Variants in AP3D1 observed in about 807,000 individuals in gnomAD.
AP3D1 encodes adaptor related protein complex 3 subunit delta 1.
AP3D1 carries 51 observed loss-of-function variants against 147.6 expected under a neutral mutation model. The observed-to-expected ratio is 0.35, with a 90% CI of 0.28 to 0.44. The LOEUF (loss-of-function observed/expected upper bound fraction) is 0.44, where lower values mean the gene tolerates loss of function less well. Ranked by LOEUF, AP3D1 falls within the 20% of genes least tolerant of loss-of-function variation. The pLI is 1.00. For missense variants in AP3D1, 1,421 were observed against 1,624.2 expected (o/e 0.87, Z 2.15); for synonymous variants, 760 against 663.0 (o/e 1.15, Z -2.25).
Position 2,136,940 on chromosome 19 carries a change from G to A in AP3D1, c.354+71C>T, listed in dbSNP as rs902131684. On this transcript the variant is annotated intron_variant, in intron 4 of 31. Coordinates refer to ENST00000643116, the MANE Select transcript of AP3D1 (RefSeq NM_001261826.3). ...ACCTGCTGCCCACAGGAAGACGCGTGTGGGAACCAGACGCTCCGGCAAGGG... is the reference window on the plus strand; with the variant it reads ...ACCTGCTGCCCACAGGAAGACGCGTATGGGAACCAGACGCTCCGGCAAGGG... The A allele has an allele frequency of 6.4e-6, 9 of 1,410,142 alleles. No individual in the cohort carries two copies. In the East Asian group the frequency reaches 2.2e-4, roughly 35 times the overall value. 87.4% of individuals were successfully genotyped at this position (1,410,142 alleles called of 1,614,324 possible).
chr19:2,105,108 C>A (rs1196497642), intron 31 of AP3D1, among the ~76,000 whole-genome samples: 4 of 152,188 alleles, frequency 2.6e-5, no homozygotes, highest in African/African-American at 7.2e-5. Context: ...TGTGTGGGCT[C>A]AATGGCAGAA....
chr19:2,138,192 C>T (rs114812994), intron 2 of AP3D1, among the ~76,000 whole-genome samples: 353 of 152,302 alleles, frequency 2.3e-3, no homozygotes, highest in African/African-American at 8.0e-3. Context: ...GGGAAACGGG[C>T]CAGAGGGAGG....
chr19:2,135,373 TA>T (rs1317158259), intron 4 of AP3D1, among the ~76,000 whole-genome samples: 1 of 151,352 alleles, frequency 6.6e-6, no homozygotes, highest in Non-Finnish European at 1.5e-5. Flanking sequence ...CCATCTCTAC[TA>T]AAAATACAAA....
At chr19:2,143,380 A>T (rs2019273197) in intron 1 of AP3D1, among the ~76,000 whole-genome samples, 2 of 151,734 alleles carry the variant, frequency 1.3e-5, no homozygotes, top group South Asian at 4.2e-4. Flanking sequence ...AGCTGGGACT[A>T]CAGGCGCCCG....
At chr19:2,148,839 T>C (rs2019430885) in intron 1 of AP3D1, among the ~76,000 whole-genome samples, 1 of 152,178 alleles carries the variant, frequency 6.6e-6, no homozygotes, top group African/African-American at 2.4e-5. Context: ...AAGTTTTAGG[T>C]GAAAATCTAT....
At position 2,116,694 on chromosome 19, in the gene AP3D1, C is replaced by T; in HGVS notation, c.1912G>A (p.Asp638Asn). 2 of 1,611,128 alleles carry T rather than the reference C, an allele frequency of 1.2e-6. No individual in the cohort carries two copies. Among genetic ancestry groups the T allele is most frequent in the Admixed American group, 1.7e-5 (1 of 59,790 alleles). ...NEPLSDSESE[D>N]ERPRAVFHEE... is the part of the protein sequence containing the mutation. The stretch of plus-strand genomic sequence containing the variant: ...TGGAAGACGGCCCTGGGCCTCTCGT[C>T]CTCTGACTCGCTGTCCGAGAGTGGC... The change falls in exon 17 of 32, where the codon GAC becomes AAC. Residue 638 changes from aspartate to asparagine, a missense_variant. Transcript: ENST00000643116.
Position 2,109,889 on chromosome 19 carries a change from T to C in AP3D1, c.3334A>G (p.Thr1112Ala). ...GGGCCCCACCTGTAGCAGGGAGTGG[T>C]GATCAAGTAGGAGCTGCAGCTGAAG... is the stretch of plus-strand genomic sequence containing the variant. The part of the protein sequence containing the change: ...LHFSCSSYLI[T>A]TPCYSDAFAK... Residue 1112 changes from threonine to alanine, a missense_variant, in exon 29 of 32, where the codon ACC (threonine) becomes GCC (alanine). Transcript: ENST00000643116. 4 of 1,612,996 alleles carry C rather than the reference T, an allele frequency of 2.5e-6. No individual in the cohort carries two copies. Among genetic ancestry groups the C allele is most frequent in the Non-Finnish European group, 3.4e-6 (4 of 1,179,832 alleles).
intron 1 of AP3D1, among the ~76,000 whole-genome samples, chr19:2,150,419 G>A (rs1428508708): frequency 6.6e-6 from 1 of 152,240 alleles, no homozygotes; most frequent in Non-Finnish European, 1.5e-5. Flanking sequence ...GTTGGGGGAA[G>A]GGAGGAGCGG....
intron 1 of AP3D1, among the ~76,000 whole-genome samples, chr19:2,159,643 C>T (rs1444705430): frequency 1.3e-5 from 2 of 151,296 alleles, no homozygotes; most frequent in Admixed American, 1.3e-4. Context: ...CCACCTCGGC[C>T]TTCCAAAGTG....
upstream of AP3D1, among the ~76,000 whole-genome samples, chr19:2,154,381 G>A (rs1334307441): frequency 6.6e-6 from 1 of 150,864 alleles, no homozygotes; most frequent in African/African-American, 2.4e-5. Flanking sequence ...CCTAGTTCAA[G>A]CGATTCTCCT....
rs529539605 is a variant in AP3D1, at chr19:2,163,218, C to T, written c.-103+1138G>A. On this transcript the variant is annotated intron_variant, in intron 1 of 14. Coordinates refer to the AP3D1 transcript ENST00000643010. The stretch of plus-strand genomic sequence containing the variant: ...CCCCCGCAGTAGCTGGGATTACAGG[C>T]GCCCGCCACCGCGCCCAGCTAATTT... Among the ~76,000 whole-genome samples the T allele has an allele frequency of 3.2e-4, 48 of 152,130 alleles. No homozygotes were observed. In the South Asian group the frequency reaches 4.4e-3, roughly 14 times the overall value.
intron 1 of AP3D1, among the ~76,000 whole-genome samples, chr19:2,145,065 T>C (rs2019321903): frequency 6.6e-6 from 1 of 152,226 alleles, no homozygotes; most frequent in African/African-American, 2.4e-5. Flanking sequence ...ATTTCATGCC[T>C]AGAACAGGCA....
In AP3D1 at chr19:2,109,161, A is replaced by G; in HGVS notation, c.3397T>C (p.Ser1133Pro). Residue 1133 changes from serine (S) to proline (P), a missense_variant, in exon 30 of 32, where the codon TCA becomes CCA. Around this residue, in one of 6 missense-constraint regions of AP3D1, gnomAD observed 791 missense variants for 761.4 expected, o/e 1.04. Coordinates refer to ENST00000643116, the MANE Select transcript of AP3D1 (RefSeq NM_001261826.3). ...LLESGDLSMS[S>P]IKVDGIRMSF... ...ATCCGAATGCCATCGACTTTGATTGAGCTCATGCTCAAGTCCCCAGACTCC... is the reference window on the plus strand; with the variant it reads ...ATCCGAATGCCATCGACTTTGATTGGGCTCATGCTCAAGTCCCCAGACTCC... The G allele has an allele frequency of 6.2e-7, 1 of 1,609,510 alleles. No homozygotes were observed.
upstream of AP3D1, among the ~76,000 whole-genome samples, chr19:2,151,762 T>C (rs75580960): frequency 0.094 from 14,289 of 152,280 alleles, 872 homozygotes; most frequent in South Asian, 0.15. Flanking sequence ...ACTTGCGCTC[T>C]CATTGGTCAG....
intron 31 of AP3D1, among the ~76,000 whole-genome samples, chr19:2,102,778 AAT>A (rs2017995308): frequency 6.8e-6 from 1 of 147,466 alleles, no homozygotes; most frequent in Non-Finnish European, 1.5e-5. Flanking sequence ...TAAATAAATA[AAT>A]AAAATAAAAA....
chr19:2,131,973 G>A (rs1226887820), intron 5 of AP3D1, among the ~76,000 whole-genome samples: 5 of 152,238 alleles, frequency 3.3e-5, no homozygotes, highest in Non-Finnish European at 7.3e-5. Context: ...TAAATGAAAA[G>A]GAACAAAGGT....
At chr19:2,118,483 G>C (rs1337246153) in intron 15 of AP3D1, 118 bp downstream of exon 15, 2 of 1,012,796 alleles carry the variant, frequency 2.0e-6, no homozygotes, top group Non-Finnish European at 2.8e-6. Flanking sequence ...GGCAACAAAA[G>C]AATCTCAGTG....
Position 2,115,560 on chromosome 19 carries a change from G to A in AP3D1, c.2127C>T (p.Leu709=). 2 of 1,613,294 alleles carry A rather than the reference G, an allele frequency of 1.2e-6. No individual in the cohort carries two copies. Among genetic ancestry groups the A allele is most frequent in the Non-Finnish European group, 1.7e-6 (2 of 1,179,886 alleles). ...TGCCTGGAACCTTCAAGGGGACGGA[G>A]AGGTCAATCTGCACCACGGGAATGT... is the stretch of plus-strand genomic sequence containing the variant. ...VEHIPVVQID[L]SVPLKVPGLP... The change falls in exon 19 of 32, where the codon CTC becomes CTT. Residue 709 remains leucine (L), a synonymous_variant. Coordinates refer to ENST00000643116, the MANE Select transcript of AP3D1 (RefSeq NM_001261826.3).
rs1340331549 is a variant in AP3D1 at position 2,111,681 on chromosome 19, G to T, written c.2935C>A (p.Pro979Thr). The change falls in exon 25 of 32, where the codon CCG (proline) becomes ACG (threonine). Residue 979 changes from proline (P) to threonine (T), a missense_variant and splice_region_variant. Physicochemically the swap from Pro to Thr is conservative, Grantham distance 38 (BLOSUM62 -1). This residue lies in a region of AP3D1 where 791 missense variants were observed against 761.4 expected (regional missense o/e 1.04). Coordinates refer to ENST00000643116, the MANE Select transcript of AP3D1 (RefSeq NM_001261826.3). ...QNGAPEEEQL[P>T]PESSYSLLAE... Reference sequence around the variant, plus strand: ...GGGGGCGCTGAAGTACCCCTCACCGGGAGCTGCTCCTCCTCTGGCGCGCCA... The same window carrying T: ...GGGGGCGCTGAAGTACCCCTCACCGTGAGCTGCTCCTCCTCTGGCGCGCCA... 6.3e-7 allele frequency: 1 copy of T among 1,588,246 alleles called. No homozygotes were observed. Among genetic ancestry groups the T allele is most frequent in the South Asian group, 1.1e-5 (1 of 88,310 alleles).
Sources: allele counts gnomAD v4.1 joint callset (sites outside exome capture counted in the v4.1 genomes callset), GRCh38; gene constraint gnomAD v4.1.1; regional missense constraint gnomAD v4.1.1; transcripts MANE v1.5; gene names NCBI Gene and HGNC (gene_info 2026-07-23, HGNC 2026-07-21).